SRPK2: variants seen among roughly 807,000 people sequenced by gnomAD.
SRPK2 encodes the protein SFRS protein kinase 2.
A neutral mutation model predicts 90.8 loss-of-function variants in SRPK2; 21 were observed. The ratio of observed to expected loss-of-function variants is 0.23; its 90% confidence interval spans 0.16 to 0.33. SRPK2 has a LOEUF of 0.33. Among genes scored for constraint, SRPK2 ranks in the 10% least tolerant of loss-of-function variants. SRPK2 has a pLI of 1.00. For missense variants in SRPK2, 620 were observed against 869.0 expected (o/e 0.71, Z 3.60); for synonymous variants, 288 against 311.1 (o/e 0.93, Z 0.78).
At chr7:105,180,192 T>C (rs1389174826) in intron 3 of SRPK2, among the ~76,000 whole-genome samples, 1 of 152,140 alleles carries the variant, frequency 6.6e-6, no homozygotes, top group Non-Finnish European at 1.5e-5. Flanking sequence ...AAGGTGACAG[T>C]AACCAAAACA....
intron 2 of SRPK2, among the ~76,000 whole-genome samples, chr7:105,256,936 A>G (rs1250686915): frequency 1.3e-5 from 2 of 152,224 alleles, no homozygotes; most frequent in East Asian, 3.8e-4. Flanking sequence ...CAGAAGTGCA[A>G]TTATTAGTTA....
chr7:105,327,055 A>C (rs1244197541), intron 2 of SRPK2, among the ~76,000 whole-genome samples: 1 of 138,834 alleles, frequency 7.2e-6, no homozygotes, highest in Non-Finnish European at 1.6e-5. Flanking sequence ...CGACAAGAGC[A>C]AAACTCCGTA....
chr7:105,332,764 C>CA (rs369698651), intron 2 of SRPK2: 1,862 of 123,814 alleles, frequency 0.015, 12 homozygotes, highest in African/African-American at 0.025. Context: ...GACTCTATCT[C>CA]AAAAAAAAAA....
chr7:105,276,014 G>A (rs1806435163), intron 2 of SRPK2, among the ~76,000 whole-genome samples: 1 of 152,016 alleles, frequency 6.6e-6, no homozygotes, highest in South Asian at 2.1e-4. Context: ...CCTTTCACTT[G>A]CCAAATTCTT....
At chr7:105,192,043 G>A (rs1017487048) in intron 3 of SRPK2, among the ~76,000 whole-genome samples, 2 of 76,136 alleles carry the variant, frequency 2.6e-5, no homozygotes, top group Non-Finnish European at 5.2e-5. Flanking sequence ...CTCCACTTCT[G>A]CTTCTGCTTT....
chr7:105,205,258 A>T (rs1347392918), intron 2 of SRPK2, among the ~76,000 whole-genome samples: 1 of 152,202 alleles, frequency 6.6e-6, no homozygotes, highest in Admixed American at 6.5e-5. Context: ...ATCATGAGGA[A>T]GGGGTGGGGA....
At chr7:105,206,551 G>C (rs1035544527) in intron 2 of SRPK2, 5 of 155,324 alleles carry the variant, frequency 3.2e-5, no homozygotes, top group African/African-American at 1.2e-4. Flanking sequence ...AAAGTGGTAA[G>C]TCAGGATACC....
chr7:105,159,954 ACT>A (rs755763313), intron 7 of SRPK2, among the ~76,000 whole-genome samples: 57 of 152,054 alleles, frequency 3.7e-4, no homozygotes, highest in Non-Finnish European at 6.6e-4. Context: ...TGACATATAG[ACT>A]CTGTGTGTGT....
intron 3 of SRPK2, among the ~76,000 whole-genome samples, chr7:105,174,662 A>G (rs1266808863): frequency 6.6e-6 from 1 of 152,196 alleles, no homozygotes; most frequent in Non-Finnish European, 1.5e-5. Context: ...TCCTTCCCCC[A>G]AAACTGATAA....
At chr7:105,219,147 C>T (rs963074507) in intron 2 of SRPK2, among the ~76,000 whole-genome samples, 3 of 152,126 alleles carry the variant, frequency 2.0e-5, no homozygotes, top group Admixed American at 2.0e-4. Context: ...GTGGTCGGCG[C>T]ATACTTCCCA....
chr7:105,242,051 T>C lies in SRPK2; in HGVS notation c.72-38266A>G, dbSNP rs180720227. ...TAAAATAAAAATTTAAATATTCCCA[T>C]TGTCATTTTGATCTTATGTCATTAT... On this transcript the variant is annotated intron_variant, in intron 2 of 15. Coordinates refer to ENST00000393651, the MANE Select transcript of SRPK2 (RefSeq NM_182692.3). Among the ~76,000 whole-genome samples the C allele has an allele frequency of 1.2e-4, 18 of 152,348 alleles. No homozygotes were observed. In the South Asian group the frequency reaches 1.7e-3, roughly 14 times the overall value.
At chr7:105,321,826 T>C (rs988551938) in intron 2 of SRPK2, among the ~76,000 whole-genome samples, 1 of 152,094 alleles carries the variant, frequency 6.6e-6, no homozygotes, top group African/African-American at 2.4e-5. Context: ...TGTGGAGAAA[T>C]TGAAATCCTT....
intron 2 of SRPK2, among the ~76,000 whole-genome samples, chr7:105,372,519 A>G (rs576153503): frequency 5.3e-5 from 8 of 152,288 alleles, no homozygotes; most frequent in African/African-American, 1.7e-4. Context: ...CTTTGGAGAC[A>G]TACACAACAA....
chr7:105,203,036 T>G (rs1795753286), intron 3 of SRPK2, among the ~76,000 whole-genome samples: 2 of 152,240 alleles, frequency 1.3e-5, no homozygotes, highest in Admixed American at 1.3e-4. Context: ...CCGCCCAGGC[T>G]GGACTGCAGT....
intron 2 of SRPK2, among the ~76,000 whole-genome samples, chr7:105,378,700 T>C (rs1457499718): frequency 6.8e-6 from 1 of 148,068 alleles, no homozygotes; most frequent in Non-Finnish European, 1.5e-5. Context: ...GTGGTGGAGG[T>C]TGCAGTGAGC....
intron 2 of SRPK2, among the ~76,000 whole-genome samples, chr7:105,364,173 T>TA (rs1818753682): frequency 6.6e-6 from 1 of 152,124 alleles, no homozygotes; most frequent in African/African-American, 2.4e-5. Flanking sequence ...CCCTAGAACT[T>TA]AAAGTATAAT....
At chr7:105,397,908 G>T (rs531570183) in intron 1 of SRPK2, among the ~76,000 whole-genome samples, 1 of 152,122 alleles carries the variant, frequency 6.6e-6, no homozygotes, top group African/African-American at 2.4e-5. Context: ...TCGGCTTCCC[G>T]AAGTGCTGGG....
intron 2 of SRPK2, among the ~76,000 whole-genome samples, chr7:105,249,675 A>T (rs1348069128): frequency 1.3e-5 from 2 of 152,234 alleles, no homozygotes; most frequent in Admixed American, 1.3e-4. Flanking sequence ...AAGATGACCC[A>T]GACTTCCATG....
At chr7:105,154,582 G>C (rs536819092) in intron 7 of SRPK2, among the ~76,000 whole-genome samples, 1 of 152,260 alleles carries the variant, frequency 6.6e-6, no homozygotes, top group African/African-American at 2.4e-5. Flanking sequence ...ATACTAGAGG[G>C]TTGCACCCCA....
Sources: gnomAD v4.1 joint callset for allele counts (sites outside exome capture counted in the v4.1 genomes callset) on GRCh38, gnomAD v4.1.1 for gene constraint, MANE v1.5 for transcripts, NCBI Gene and HGNC (gene_info 2026-07-23, HGNC 2026-07-21) for gene names.